The following IL3RA variants were observed in gnomAD, a reference collection of about 807,000 sequenced individuals.
IL3RA encodes interleukin 3 receptor subunit alpha, also known as interleukin-3 receptor subunit alpha.
In IL3RA, 73 loss-of-function variants were observed where a neutral mutation model predicts 52.3. The ratio of observed to expected loss-of-function variants is 1.40; its 90% CI spans 1.16 to 1.70. The LOEUF (loss-of-function observed/expected upper bound fraction) is 1.70. Ranked by LOEUF, IL3RA falls within the 40% of genes most tolerant of loss-of-function variation. The probability of loss-of-function intolerance (pLI) is 0.00; values close to 1 mark genes in which losing one functional copy is unlikely to be tolerated. For missense variants in IL3RA, 664 were observed against 504.4 expected (o/e 1.32, Z -3.03); for synonymous variants, 260 against 194.0 (o/e 1.34, Z -2.83).
chrX:1,356,634 T>C (rs1269567207), intron 7 of IL3RA, among the ~76,000 whole-genome samples: 1 of 151,858 alleles, frequency 6.6e-6, no homozygotes, highest in Non-Finnish European at 1.5e-5. Flanking sequence ...TAGCTGGGCG[T>C]GGTGGCACGG....
rs201859897 is a variant in IL3RA at position 1,356,352 on chromosome X, G to A, written c.732+16G>A. 1.7e-4 allele frequency: 243 copies of A among 1,467,486 alleles called. No individual in the cohort carries two copies. In the East Asian group the frequency reaches 4.7e-3, roughly 28 times the overall value. 90.9% of individuals were successfully genotyped at this position (1,467,486 alleles called of 1,614,324 possible). A position where few individuals can be genotyped will look rare whatever the true frequency, so the allele number is the denominator to read the frequency against. On this transcript the variant is annotated intron_variant, in intron 7 of 11. Coordinates refer to ENST00000331035, the MANE Select transcript of IL3RA (RefSeq NM_002183.4). ...GATACAAAAGGTAAACTTTCACCCC[G>A]CCCCCAGCCCCCCCACCCCCGTGGA... is the stretch of plus-strand genomic sequence containing the variant.
At chrX:1,363,454 C>CTA (rs1334371832) in intron 8 of IL3RA, among the ~76,000 whole-genome samples, 1 of 151,930 alleles carries the variant, frequency 6.6e-6, no homozygotes, top group Non-Finnish European at 1.5e-5. Flanking sequence ...GCGCCCGCCA[C>CTA]CGGGCCCGGC....
intron 6 of IL3RA, among the ~76,000 whole-genome samples, chrX:1,354,040 C>A (rs1391285720): frequency 6.9e-5 from 10 of 145,068 alleles, no homozygotes; most frequent in African/African-American, 2.6e-4. Context: ...TGGGTCTCAT[C>A]ATGGGCCATG....
intron 8 of IL3RA, among the ~76,000 whole-genome samples, chrX:1,360,927 CTG>C (rs2087240302): frequency 1.7e-5 from 2 of 116,696 alleles, no homozygotes; most frequent in African/African-American, 8.4e-5. Context: ...CTTCCCCTCT[CTG>C]TCTCTCTCTC....
intron 4 of IL3RA, among the ~76,000 whole-genome samples, 161 bp downstream of exon 4, chrX:1,348,706 G>GTTTCTTTCTGTTTC (rs199553229): frequency 2.8e-5 from 2 of 70,860 alleles, no homozygotes; most frequent in Admixed American, 2.8e-4. Context: ...CTTTCTTTCT[G>GTTTCTTTCTGTTTC]TTTCTGTTTC....
At chrX:1,368,791 C>G (rs1228337568) in intron 9 of IL3RA, among the ~76,000 whole-genome samples, 2 of 126,036 alleles carry the variant, frequency 1.6e-5, no homozygotes, top group East Asian at 4.7e-4. Flanking sequence ...TCTCAGACCT[C>G]CAGCCTCCAG....
chrX:1,350,225 C>T (rs1142043), intron 4 of IL3RA, among the ~76,000 whole-genome samples: 110,505 of 145,424 alleles, frequency 0.76, 42,094 homozygotes, highest in African/African-American at 0.84. Flanking sequence ...GAGGCCGAGG[C>T]GGGCGGATCA....
Position 1,382,667 on chromosome X carries a change from G to T in IL3RA, c.*202G>T. 1 of 555,620 alleles carries T rather than the reference G, an allele frequency of 1.8e-6. No homozygotes were observed. Among genetic ancestry groups the T allele is most frequent in the Non-Finnish European group, 3.2e-6 (1 of 311,240 alleles). 34.4% of individuals were successfully genotyped at this position (555,620 alleles called of 1,614,324 possible). On this transcript the variant is annotated 3_prime_UTR_variant, in exon 12 of 12. Transcript: ENST00000331035. The stretch of plus-strand genomic sequence containing the variant: ...CTTTGTGTGTTTATTTCATGATAAA[G>T]TGATTTTTTTTTTTTTAACCCACTC...
Position 1,355,535 on chromosome X carries a change from C to G in IL3RA, c.617-686C>G, listed in dbSNP as rs746788282. ...GCCCAGGGGAGACCCAGCCAGGCAG[C>G]CGGACACACAGGGCTGGGCTGGTAG... On this transcript the variant is annotated intron_variant, in intron 6 of 11. Transcript: ENST00000331035. Among the ~76,000 whole-genome samples, 220 of 149,002 alleles carry G rather than the reference C, an allele frequency of 1.5e-3. 1 individual carries two copies. The highest frequency in any genetic ancestry group is 7.2e-3 in the Middle Eastern group (2 of 278).
intron 10 of IL3RA, 121 bp downstream of exon 10, chrX:1,378,885 C>G: frequency 1.0e-6 from 1 of 964,060 alleles, no homozygotes; most frequent in Admixed American, 2.1e-5. Flanking sequence ...CTCTGTCTCC[C>G]AGGCTGGAGT....
chrX:1,342,936 G>A (rs1458493037), intron 2 of IL3RA, among the ~76,000 whole-genome samples: 27 of 151,712 alleles, frequency 1.8e-4, no homozygotes, highest in Non-Finnish European at 1.0e-4. Flanking sequence ...TCAGCTGGGC[G>A]TGGTGGCGGG....
chrX:1,361,604 C>G (rs2087371411), intron 8 of IL3RA, among the ~76,000 whole-genome samples: 4 of 151,642 alleles, frequency 2.6e-5, no homozygotes, highest in South Asian at 2.1e-4. Flanking sequence ...AAAAAAATTA[C>G]CCAGACGTGG....
chrX:1,362,276 C>T (rs1249575533), intron 8 of IL3RA, among the ~76,000 whole-genome samples: 1 of 150,942 alleles, frequency 6.6e-6, no homozygotes, highest in Non-Finnish European at 1.5e-5. Context: ...GTCTCTTTTT[C>T]TCTTTCCCTC....
At chrX:1,356,706 G>A (rs1248221099) in intron 7 of IL3RA, among the ~76,000 whole-genome samples, 38 of 151,778 alleles carry the variant, frequency 2.5e-4, no homozygotes, top group Non-Finnish European at 4.7e-4. Flanking sequence ...CAGGAGGTGG[G>A]GGTTGCAGTG....
At position 1,367,734 on chromosome X, in the gene IL3RA, A is replaced by C. The variant is rs867921265; in HGVS notation, c.874+2482A>C. On this transcript the variant is annotated intron_variant, in intron 9 of 11. Transcript: ENST00000331035. ...CGGGGTGAGCGGGGTGCGCCGGGTG[A>C]GCGGGGTGCGCGGGGTGAGCGGGGT... 4.1e-3 allele frequency among the ~76,000 whole-genome samples: 398 copies of C among 96,160 alleles called. 8 individuals carry two copies. Among genetic ancestry groups the C allele is most frequent in the African/African-American group, 0.016 (373 of 23,672 alleles). The allele number at this position is 96,160 out of a possible 152,430, so 63.1% of individuals were successfully genotyped here.
chrX:1,360,246 CT>C (rs1487823127), intron 8 of IL3RA, among the ~76,000 whole-genome samples: 1 of 43,176 alleles, frequency 2.3e-5, no homozygotes, highest in Non-Finnish European at 4.7e-5. Flanking sequence ...CTGTATCTCT[CT>C]CCCTTTCTCC....
chrX:1,358,015 G>C (rs2086870799), intron 7 of IL3RA, among the ~76,000 whole-genome samples: 1 of 151,382 alleles, frequency 6.6e-6, no homozygotes. Flanking sequence ...TGAGGCAGGA[G>C]AATGGCGTAA....
chrX:1,352,242 C>T lies in IL3RA; in HGVS notation c.431+10C>T, dbSNP rs1427570896. The T allele has an allele frequency of 1.2e-6, 2 of 1,613,454 alleles. No homozygotes were observed. The highest frequency in any genetic ancestry group is 1.7e-6 in the Non-Finnish European group (2 of 1,179,614). On this transcript the variant is annotated intron_variant, in intron 5 of 11. Transcript: ENST00000331035. Reference sequence around the variant, plus strand: ...ACTTGAACGTTGCCAAGTAGGTGTGCCCGTGGGCAGAGGCCGGGCTGTCCC... The same window carrying T: ...ACTTGAACGTTGCCAAGTAGGTGTGTCCGTGGGCAGAGGCCGGGCTGTCCC...
At chrX:1,337,930 T>C (rs750818064) in intron 1 of IL3RA, among the ~76,000 whole-genome samples, 1 of 144,404 alleles carries the variant, frequency 6.9e-6, no homozygotes, top group Admixed American at 7.0e-5. Flanking sequence ...AGTGGAATAT[T>C]ATACAGCCAT....
Sources: allele counts gnomAD v4.1 joint callset (sites outside exome capture counted in the v4.1 genomes callset), GRCh38; gene constraint gnomAD v4.1.1; transcripts MANE v1.5; gene names NCBI Gene and HGNC (gene_info 2026-07-23, HGNC 2026-07-21).